Variants in AHCY observed in about 807,000 individuals in gnomAD.
AHCY encodes S-adenosyl-L-homocysteine hydrolase.
In AHCY, 24 loss-of-function variants were observed where a neutral mutation model predicts 45.4. The ratio of observed to expected loss-of-function variants is 0.53; its 90% CI spans 0.38 to 0.74. AHCY has a LOEUF of 0.74. Ranked by LOEUF, AHCY falls within the 30% of genes least tolerant of loss-of-function variation. The probability of loss-of-function intolerance (pLI) is 0.00; values close to 1 mark genes in which losing one functional copy is unlikely to be tolerated. For synonymous variants in AHCY, 245 were observed against 235.1 expected (o/e 1.04, Z -0.39); for missense variants, 449 against 594.1 (o/e 0.76, Z 2.54).
chr20:34,287,697 G>T (rs1025696929), intron 8 of AHCY, among the ~76,000 whole-genome samples: 1 of 151,990 alleles, frequency 6.6e-6, no homozygotes, highest in Admixed American at 6.6e-5. Flanking sequence ...TGGCCAGAAG[G>T]GGGTCTCTTG....
chr20:34,248,367 CT>C, the AHCY span, among the ~76,000 whole-genome samples: 1 of 152,166 alleles, frequency 6.6e-6, no homozygotes, highest in East Asian at 1.9e-4. Flanking sequence ...ACTAAAACCA[CT>C]TTTAAGTTAT....
chr20:34,303,288 T>A lies in AHCY; in HGVS notation c.-18A>T. The A allele has an allele frequency of 6.4e-7, 1 of 1,551,740 alleles. No individual in the cohort carries two copies. The highest frequency in any genetic ancestry group is 8.7e-7 in the Non-Finnish European group (1 of 1,146,990). On this transcript the variant is annotated 5_prime_UTR_variant, in exon 1 of 10. Coordinates refer to ENST00000217426, the MANE Select transcript of AHCY (RefSeq NM_000687.4). Reference sequence around the variant, plus strand: ...TCAGACATGCTGGCGGCACTCGTGATGGAAACGGGCGAAGGGGGCTGGGCC... The same window carrying A: ...TCAGACATGCTGGCGGCACTCGTGAAGGAAACGGGCGAAGGGGGCTGGGCC...
At chr20:34,295,258 GA>G (rs1568805364) in intron 2 of AHCY, 136 bp downstream of exon 2, 2 of 1,038,488 alleles carry the variant, frequency 1.9e-6, no homozygotes, top group African/African-American at 1.6e-5. Flanking sequence ...GGAGGAAACC[GA>G]GTGAGAGGGA....
chr20:34,235,294 G>A, the AHCY span, among the ~76,000 whole-genome samples: 1 of 152,104 alleles, frequency 6.6e-6, no homozygotes, highest in Non-Finnish European at 1.5e-5. Flanking sequence ...ACAAAAATTA[G>A]CCAGGCGAGG....
At chr20:34,309,194 A>C (rs2036924339) in intron 1 of AHCY, among the ~76,000 whole-genome samples, 1 of 151,646 alleles carries the variant, frequency 6.6e-6, no homozygotes, top group Non-Finnish European at 1.5e-5. Flanking sequence ...TCCTGACCTG[A>C]AGTGATCCAC....
chr20:34,288,128 A>G (rs1193559152), intron 8 of AHCY, among the ~76,000 whole-genome samples: 1 of 152,152 alleles, frequency 6.6e-6, no homozygotes, highest in Non-Finnish European at 1.5e-5. Flanking sequence ...CTAGCCGGGA[A>G]CTGACACCCT....
intron 2 of AHCY, 151 bp from the exon 3 acceptor site, chr20:34,294,307 G>T (rs966470614): frequency 1.8e-5 from 14 of 773,420 alleles, no homozygotes; most frequent in Non-Finnish European, 2.5e-5. Flanking sequence ...GGGATGCTGG[G>T]TGGGCAGATG....
At position 34,295,468 on chromosome 20, in the gene AHCY, C is replaced by A; in HGVS notation, c.146G>T (p.Arg49Leu). 1 of 1,614,120 alleles carries A rather than the reference C, an allele frequency of 6.2e-7. No individual in the cohort carries two copies. The highest frequency in any genetic ancestry group is 8.5e-7 in the Non-Finnish European group (1 of 1,180,030). The change falls in exon 2 of 10, where the codon CGC becomes CTC. Residue 49 changes from arginine (R) to leucine (L), a missense_variant. Physicochemically the swap from Arg to Leu is moderately radical, Grantham distance 102 (BLOSUM62 -2). Coordinates refer to ENST00000217426, the MANE Select transcript of AHCY (RefSeq NM_000687.4). ...GGTCATGTGCAGGCAGCCAGCGATG[C>A]GGGCGCCCTTCAGTGGCTTGGAGGC... Reference protein sequence around the residue: ...YSASKPLKGARIAGCLHMTVE... With the variant: ...YSASKPLKGALIAGCLHMTVE...
chr20:34,247,459 C>A, the AHCY span, among the ~76,000 whole-genome samples: 1 of 151,524 alleles, frequency 6.6e-6, no homozygotes, highest in African/African-American at 2.4e-5. Context: ...TGCCACCACG[C>A]CCAGCTAATT....
chr20:34,244,139 C>T, the AHCY span, among the ~76,000 whole-genome samples: 1 of 152,302 alleles, frequency 6.6e-6, no homozygotes, highest in South Asian at 2.1e-4. Context: ...GTTTTGTGGG[C>T]TCTAAGTTTC....
the AHCY span, among the ~76,000 whole-genome samples, chr20:34,257,871 C>T: frequency 8.5e-5 from 13 of 152,078 alleles, no homozygotes; most frequent in African/African-American, 2.2e-4. Context: ...GGGCTGGGTG[C>T]GGTGGCTCAC....
rs200045263 is a variant in AHCY, at chr20:34,303,221, G to A, written c.28+22C>T. On this transcript the variant is annotated intron_variant, in intron 1 of 9. Coordinates refer to ENST00000217426, the MANE Select transcript of AHCY (RefSeq NM_000687.4). ...GGGCGGGTGCCGGGCGGCCGCAACCGGCTGCAGGTCCTGGGACTCACCGAC... is the reference window on the plus strand; with the variant it reads ...GGGCGGGTGCCGGGCGGCCGCAACCAGCTGCAGGTCCTGGGACTCACCGAC... 6 of 1,551,276 alleles carry A rather than the reference G, an allele frequency of 3.9e-6. No homozygotes were observed. In the East Asian group the frequency reaches 9.8e-5, roughly 25 times the overall value.
chr20:34,233,559 G>A, the AHCY span, among the ~76,000 whole-genome samples: 1 of 152,172 alleles, frequency 6.6e-6, no homozygotes, highest in African/African-American at 2.4e-5. Context: ...CTTCCAAAGG[G>A]TGAATTTTAT....
chr20:34,293,981 T>A, intron 3 of AHCY, 100 bp downstream of exon 3: 1 of 1,260,210 alleles, frequency 7.9e-7, no homozygotes, highest in East Asian at 2.4e-5. Context: ...CTCCTCTCCC[T>A]TTCTGATATG....
At chr20:34,271,453 A>G in the AHCY span, among the ~76,000 whole-genome samples, 1 of 152,110 alleles carries the variant, frequency 6.6e-6, no homozygotes, top group African/African-American at 2.4e-5. Context: ...AACTTGACCT[A>G]GGAAGATTTG....
the AHCY span, among the ~76,000 whole-genome samples, chr20:34,275,218 C>T: frequency 1.3e-5 from 2 of 151,574 alleles, no homozygotes; most frequent in East Asian, 3.9e-4. Flanking sequence ...CTGCAACCTC[C>T]GCCTCACGGG....
rs753010834 is a variant in AHCY, at chr20:34,303,311, G to GGTT, written c.-42_-41insAAC. On this transcript the variant is annotated 5_prime_UTR_variant, in exon 1 of 10. Coordinates refer to ENST00000217426, the MANE Select transcript of AHCY (RefSeq NM_000687.4). ...GATGGAAACGGGCGAAGGGGGCTGG[G>GGTT]CCTCAGTCTGGGAACAGGAACTGGG... The GGTT allele has an allele frequency of 6.4e-7, 1 of 1,551,708 alleles. No individual in the cohort carries two copies. Among genetic ancestry groups the GGTT allele is most frequent in the South Asian group, 1.2e-5 (1 of 84,066 alleles).
chr20:34,309,925 G>A (rs1322523703), intron 1 of AHCY, among the ~76,000 whole-genome samples: 2 of 151,180 alleles, frequency 1.3e-5, no homozygotes, highest in African/African-American at 4.9e-5. Context: ...AAGAAGGAAG[G>A]AAGGAAGGGA....
intron 9 of AHCY, among the ~76,000 whole-genome samples, chr20:34,284,549 T>A (rs1355922387): frequency 1.3e-5 from 2 of 152,160 alleles, no homozygotes; most frequent in East Asian, 3.9e-4. Context: ...ACCCACCCAG[T>A]TATTTTTTAA....
Sources: allele counts gnomAD v4.1 joint callset (sites outside exome capture counted in the v4.1 genomes callset), GRCh38; gene constraint gnomAD v4.1.1; transcripts MANE v1.5; gene names NCBI Gene and HGNC (gene_info 2026-07-23, HGNC 2026-07-21).